The following MYCT1 variants were observed in gnomAD, a reference collection of about 807,000 sequenced individuals.
MYCT1 encodes myc target protein 1.
In MYCT1, 12 loss-of-function variants were observed where a neutral mutation model predicts 15.0. That is an observed-to-expected ratio of 0.80 (90% CI 0.51 to 1.29). The LOEUF is 1.29. MYCT1 is among the 50% of genes most tolerant of loss of function. The probability of loss-of-function intolerance (pLI) is 0.00; values close to 1 mark genes in which losing one functional copy is unlikely to be tolerated. For missense variants in MYCT1, 287 were observed against 279.1 expected, an observed-to-expected ratio of 1.03 and a Z score of -0.20; for synonymous variants, 104 against 102.7, an observed-to-expected ratio of 1.01 and a Z score of -0.07.
the MYCT1 span, among the ~76,000 whole-genome samples, chr6:152,729,923 T>C: frequency 6.6e-6 from 1 of 152,290 alleles, no homozygotes; most frequent in African/African-American, 2.4e-5. Context: ...ATCTTCCAGA[T>C]GGCTCAAACT....
the MYCT1 span, among the ~76,000 whole-genome samples, chr6:152,741,422 C>A: frequency 2.6e-5 from 4 of 152,160 alleles, no homozygotes; most frequent in African/African-American, 9.6e-5. Flanking sequence ...TCCACTTTTC[C>A]ACCTTGAATG....
chr6:152,719,696 A>G (rs987012679), intron 1 of MYCT1, among the ~76,000 whole-genome samples: 1 of 152,234 alleles, frequency 6.6e-6, no homozygotes, highest in Non-Finnish European at 1.5e-5. Context: ...AGGACACTGA[A>G]CTATATCCTA....
chr6:152,742,776 A>AT, the MYCT1 span, among the ~76,000 whole-genome samples: 1 of 152,104 alleles, frequency 6.6e-6, no homozygotes, highest in Admixed American at 6.5e-5. Context: ...TATATGTGTA[A>AT]GTATGATTGT....
At chr6:152,736,685 T>C in the MYCT1 span, among the ~76,000 whole-genome samples, 2 of 152,112 alleles carry the variant, frequency 1.3e-5, no homozygotes, top group South Asian at 2.1e-4. Flanking sequence ...CCATTATTAA[T>C]ACACTTTTTT....
At chr6:152,718,221 A>T (rs2099724077) in intron 1 of MYCT1, among the ~76,000 whole-genome samples, 1 of 152,172 alleles carries the variant, frequency 6.6e-6, no homozygotes, top group Admixed American at 6.5e-5. Flanking sequence ...GAAACTTGTC[A>T]TTTAAGAAAA....
intron 1 of MYCT1, among the ~76,000 whole-genome samples, chr6:152,703,384 TA>T (rs2099721669): frequency 6.6e-6 from 1 of 152,224 alleles, no homozygotes; most frequent in Admixed American, 6.5e-5. Flanking sequence ...TTCAACATTT[TA>T]TTATGAAAAT....
chr6:152,722,462 C>G lies in MYCT1; in HGVS notation c.*209C>G, dbSNP rs957238391. ...TTGTTTCAAAAAATGTAATATTTTC[C>G]CCCAAGCGTTTTATATTTATGTATT... On this transcript the variant is annotated 3_prime_UTR_variant, in exon 2 of 2. Coordinates refer to ENST00000367245, the MANE Select transcript of MYCT1 (RefSeq NM_025107.3). 3.8e-6 allele frequency: 2 copies of G among 526,970 alleles called. No homozygotes were observed. Among genetic ancestry groups the G allele is most frequent in the Admixed American group, 7.5e-5 (2 of 26,670 alleles). The allele number at this position is 526,970 out of a possible 1,614,324, so 32.6% of individuals were successfully genotyped here.
downstream of MYCT1, among the ~76,000 whole-genome samples, chr6:152,724,887 A>T (rs2099725368): frequency 6.6e-6 from 1 of 151,864 alleles, no homozygotes; most frequent in Non-Finnish European, 1.5e-5. Flanking sequence ...AGAATTAGTA[A>T]ATTATTTATT....
At chr6:152,721,339 ATTCTT>A (rs927166705) in intron 1 of MYCT1, among the ~76,000 whole-genome samples, 6 of 152,238 alleles carry the variant, frequency 3.9e-5, no homozygotes, top group African/African-American at 1.4e-4. Flanking sequence ...TGATGACAAA[ATTCTT>A]TATCAATCTG....
chr6:152,718,066 T>C (rs530457087), intron 1 of MYCT1, among the ~76,000 whole-genome samples: 1 of 152,264 alleles, frequency 6.6e-6, no homozygotes, highest in East Asian at 1.9e-4. Context: ...ATTTTGGGCA[T>C]AGACAATAGG....
At chr6:152,735,722 A>G in the MYCT1 span, among the ~76,000 whole-genome samples, 1 of 152,126 alleles carries the variant, frequency 6.6e-6, no homozygotes, top group Non-Finnish European at 1.5e-5. Context: ...CTAAAGTATT[A>G]TAACATTTTG....
intron 1 of MYCT1, among the ~76,000 whole-genome samples, chr6:152,705,139 C>T (rs1348695005): frequency 6.6e-6 from 1 of 152,138 alleles, no homozygotes; most frequent in Non-Finnish European, 1.5e-5. Context: ...AGACAAACTC[C>T]TTGTAAGTTG....
chr6:152,705,579 T>TATACATCTGTATATA (rs1177560791), intron 1 of MYCT1, among the ~76,000 whole-genome samples: 11 of 152,104 alleles, frequency 7.2e-5, no homozygotes, highest in African/African-American at 2.4e-4. Context: ...TCCCTTATTA[T>TATACATCTGTATATA]ATACAGATGG....
intron 1 of MYCT1, among the ~76,000 whole-genome samples, chr6:152,713,096 A>G (rs937452304): frequency 2.0e-5 from 3 of 151,872 alleles, no homozygotes; most frequent in Non-Finnish European, 4.4e-5. Context: ...TTTCCCCCCA[A>G]TATTTTTCTC....
chr6:152,745,042 A>G, the MYCT1 span, among the ~76,000 whole-genome samples: 1 of 152,112 alleles, frequency 6.6e-6, no homozygotes, highest in Non-Finnish European at 1.5e-5. Flanking sequence ...AAAGAGAGGG[A>G]GGGAGACATG....
chr6:152,743,296 C>A, the MYCT1 span, among the ~76,000 whole-genome samples: 1 of 152,042 alleles, frequency 6.6e-6, no homozygotes, highest in African/African-American at 2.4e-5. Context: ...GAACTCCTGG[C>A]CTCAAGCAAT....
intron 1 of MYCT1, chr6:152,706,258 A>G: frequency 1.5e-6 from 1 of 675,974 alleles, no homozygotes; most frequent in South Asian, 1.5e-5. Flanking sequence ...TTAAGAAATC[A>G]CTGTAACCAT....
At chr6:152,740,900 G>A in the MYCT1 span, among the ~76,000 whole-genome samples, 1 of 152,052 alleles carries the variant, frequency 6.6e-6, no homozygotes, top group Non-Finnish European at 1.5e-5. Flanking sequence ...GTCTTTATAG[G>A]TCAAGTTTGT....
chr6:152,726,238 A>C (rs183759685), downstream of MYCT1, among the ~76,000 whole-genome samples: 15 of 152,204 alleles, frequency 9.9e-5, no homozygotes, highest in East Asian at 2.9e-3. Flanking sequence ...CTCTACTAAA[A>C]ATACAAAATT....
Sources: gnomAD v4.1 joint callset for allele counts (sites outside exome capture counted in the v4.1 genomes callset) on GRCh38, gnomAD v4.1.1 for gene constraint, MANE v1.5 for transcripts, NCBI Gene and HGNC (gene_info 2026-07-23, HGNC 2026-07-21) for gene names.